The following RAD51B variants were observed in gnomAD, a reference collection of about 807,000 sequenced individuals.
The protein encoded by RAD51B is RAD51 paralog B, also known as DNA repair protein RAD51 homolog 2.
A neutral mutation model predicts 42.2 loss-of-function variants in RAD51B; 38 were observed. The observed-to-expected ratio is 0.90, with a 90% CI of 0.70 to 1.18. RAD51B has a LOEUF of 1.18. Among genes scored for constraint, RAD51B ranks in the 50% most tolerant of loss-of-function variants. The pLI is 0.00. For missense variants in RAD51B, 373 were observed against 400.7 expected (o/e 0.93, Z 0.59); for synonymous variants, 154 against 145.2 (o/e 1.06, Z -0.43).
chr14:68,028,875 G>T (rs1408848999), intron 7 of RAD51B, among the ~76,000 whole-genome samples: 1 of 152,212 alleles, frequency 6.6e-6, no homozygotes, highest in Non-Finnish European at 1.5e-5. Context: ...GGTGTCTATG[G>T]CTGTGCTCTG....
chr14:68,418,308 A>G (rs537986288), intron 9 of RAD51B, among the ~76,000 whole-genome samples: 85 of 152,336 alleles, frequency 5.6e-4, no homozygotes, highest in African/African-American at 1.6e-3. Flanking sequence ...ACATGTCCTT[A>G]CTTCTCTCTT....
At chr14:68,582,937 A>C (rs2140061826) in intron 10 of RAD51B, among the ~76,000 whole-genome samples, 1 of 152,298 alleles carries the variant, frequency 6.6e-6, no homozygotes, top group East Asian at 1.9e-4. Context: ...CTCACTCATA[A>C]GCGGGAGTTG....
At chr14:68,147,275 T>C (rs2078272245) in intron 7 of RAD51B, among the ~76,000 whole-genome samples, 1 of 152,232 alleles carries the variant, frequency 6.6e-6, no homozygotes, top group African/African-American at 2.4e-5. Flanking sequence ...TGAATACATG[T>C]GTCCTGGAAT....
chr14:68,677,601 G>A (rs186418734), intron 11 of RAD51B, among the ~76,000 whole-genome samples: 1 of 152,172 alleles, frequency 6.6e-6, no homozygotes, highest in Non-Finnish European at 1.5e-5. Context: ...GTGAAACCTT[G>A]TGTCCTTTAT....
At chr14:67,852,480 C>T (rs1057421361) in intron 4 of RAD51B, among the ~76,000 whole-genome samples, 25 of 152,148 alleles carry the variant, frequency 1.6e-4, no homozygotes, top group African/African-American at 5.6e-4. Flanking sequence ...CAGTTCTTTG[C>T]GATGTGAACC....
At chr14:68,476,076 A>G (rs1264731055) in intron 10 of RAD51B, among the ~76,000 whole-genome samples, 1 of 151,388 alleles carries the variant, frequency 6.6e-6, no homozygotes, top group Non-Finnish European at 1.5e-5. Context: ...CCTTCCTTTT[A>G]GTAGCCCAGA....
intron 8 of RAD51B, among the ~76,000 whole-genome samples, chr14:68,389,672 T>C (rs2083692146): frequency 6.6e-6 from 1 of 152,242 alleles, no homozygotes; most frequent in South Asian, 2.1e-4. Context: ...TTGGTCGTTG[T>C]AATGAGGCTA....
intron 8 of RAD51B, among the ~76,000 whole-genome samples, chr14:68,363,786 G>C (rs1268017277): frequency 6.6e-6 from 1 of 152,140 alleles, no homozygotes; most frequent in East Asian, 1.9e-4. Context: ...AGGTGGAGTT[G>C]CCCACTTAGT....
intron 5 of RAD51B, among the ~76,000 whole-genome samples, chr14:67,874,457 G>A (rs1358109293): frequency 1.3e-5 from 2 of 151,612 alleles, no homozygotes; most frequent in African/African-American, 2.4e-5. Context: ...TATCATTAGT[G>A]TTAGTGTATT....
intron 7 of RAD51B, among the ~76,000 whole-genome samples, chr14:68,140,293 T>G (rs1322835088): frequency 1.3e-5 from 2 of 152,192 alleles, no homozygotes; most frequent in Non-Finnish European, 2.9e-5. Context: ...TCCATCTTGC[T>G]TTTCCTTTTC....
At chr14:68,164,121 G>A (rs1267517228) in intron 7 of RAD51B, among the ~76,000 whole-genome samples, 2 of 152,146 alleles carry the variant, frequency 1.3e-5, no homozygotes, top group Non-Finnish European at 2.9e-5. Context: ...CAGGTCACTT[G>A]ACTAAACAAG....
rs1198304118 is a variant in RAD51B, at chr14:68,388,078, G to GTATA, written c.854-23332_854-23329dup. On this transcript the variant is annotated intron_variant, in intron 8 of 10. Coordinates refer to ENST00000471583, the MANE Select transcript of RAD51B (RefSeq NM_133510.4). ...ATTGTGTGTGTGTGTGTGTGTGTGT[G>GTATA]TATATATATATATATATTTTTTTTT... is the stretch of plus-strand genomic sequence containing the variant. Among the ~76,000 whole-genome samples, 1,074 of 112,166 alleles carry GTATA rather than the reference G, an allele frequency of 9.6e-3. 18 individuals are homozygous for GTATA. Among genetic ancestry groups the GTATA allele is most frequent in the East Asian group, 0.037 (144 of 3,872 alleles). The allele number at this position is 112,166 out of a possible 152,430, so 73.6% of individuals were successfully genotyped here.
chr14:67,872,685 A>T (rs2042583287), intron 5 of RAD51B, among the ~76,000 whole-genome samples: 5 of 151,922 alleles, frequency 3.3e-5, no homozygotes, highest in Admixed American at 2.6e-4. Flanking sequence ...CTGACTTCAA[A>T]CTATACTACA....
rs186802650 is a variant in RAD51B at position 68,562,792 on chromosome 14, G to A, written c.1037-31693G>A. The A allele has an allele frequency of 3.0e-6, 3 of 985,290 alleles. No individual in the cohort carries two copies. The African/African-American group carries it at 5.2e-5, about 17-fold the overall frequency. The allele number at this position is 985,290 out of a possible 1,614,324, so 61.0% of individuals were successfully genotyped here. A position where few individuals can be genotyped will look rare whatever the true frequency, so the allele number is the denominator to read the frequency against. ...GATGCCATGCTAGATACCCATCCAG[G>A]GTATGGTACAGACATCACAAGGTAA... On this transcript the variant is annotated intron_variant, in intron 10 of 10. Transcript: ENST00000487270.
intron 7 of RAD51B, among the ~76,000 whole-genome samples, chr14:68,058,201 G>A (rs1224216987): frequency 6.6e-6 from 1 of 152,052 alleles, no homozygotes; most frequent in African/African-American, 2.4e-5. Flanking sequence ...TGACTTTCAA[G>A]TATAATCTGT....
chr14:68,255,680 A>G (rs1157310874), intron 7 of RAD51B, among the ~76,000 whole-genome samples: 1 of 152,228 alleles, frequency 6.6e-6, no homozygotes, highest in Admixed American at 6.5e-5. Flanking sequence ...TAGTTTCTCA[A>G]CTGCCCATAC....
intron 10 of RAD51B, among the ~76,000 whole-genome samples, chr14:68,542,673 G>A (rs1888030147): frequency 6.6e-6 from 1 of 152,130 alleles, no homozygotes; most frequent in Admixed American, 6.6e-5. Context: ...AATGTTGTAA[G>A]TCCATGTTTT....
intron 7 of RAD51B, among the ~76,000 whole-genome samples, chr14:67,988,760 C>G (rs1301196497): frequency 6.6e-6 from 1 of 152,102 alleles, no homozygotes; most frequent in Admixed American, 6.5e-5. Context: ...ATTAAAAGTG[C>G]TTTGATCTTC....
At chr14:68,000,949 A>G (rs567170030) in intron 7 of RAD51B, among the ~76,000 whole-genome samples, 2 of 152,310 alleles carry the variant, frequency 1.3e-5, no homozygotes, top group Admixed American at 1.3e-4. Flanking sequence ...ATTGGGGAGA[A>G]TTTATGTATT....
Sources: gnomAD v4.1 joint callset for allele counts (sites outside exome capture counted in the v4.1 genomes callset) on GRCh38, gnomAD v4.1.1 for gene constraint, MANE v1.5 for transcripts, NCBI Gene and HGNC (gene_info 2026-07-23, HGNC 2026-07-21) for gene names.